Variants in ADD3 observed in about 807,000 individuals in gnomAD.
ADD3 encodes gamma-adducin.
A neutral mutation model predicts 80.2 loss-of-function variants in ADD3; 25 were observed. The observed-to-expected ratio is 0.31, with a 90% CI of 0.23 to 0.44. ADD3 has a LOEUF of 0.44. Ranked by LOEUF, ADD3 falls within the 20% of genes least tolerant of loss-of-function variation. The probability of loss-of-function intolerance (pLI) is 1.00; values close to 1 mark genes in which losing one functional copy is unlikely to be tolerated. For missense variants in ADD3, 829 were observed against 847.5 expected (o/e 0.98, Z 0.27); for synonymous variants, 284 against 289.6 (o/e 0.98, Z 0.20).
chr10:109,999,987 T>C (rs1851454933), intron 1 of ADD3, among the ~76,000 whole-genome samples: 1 of 150,196 alleles, frequency 6.7e-6, no homozygotes, highest in African/African-American at 2.5e-5. Context: ...TGGTGCGATC[T>C]CGGCTCACTG....
intron 1 of ADD3, among the ~76,000 whole-genome samples, chr10:110,019,596 C>T (rs758633441): frequency 2.6e-4 from 40 of 152,144 alleles, no homozygotes; most frequent in Non-Finnish European, 4.1e-4. Flanking sequence ...CCTCATGATC[C>T]GCCCACCTCG....
chr10:110,077,726 TAGG>T (rs1845530305), intron 1 of ADD3, among the ~76,000 whole-genome samples: 1 of 152,208 alleles, frequency 6.6e-6, no homozygotes, highest in African/African-American at 2.4e-5. Flanking sequence ...AGTTGAACTA[TAGG>T]AGAATTATTG....
intron 1 of ADD3, among the ~76,000 whole-genome samples, chr10:110,071,481 A>G (rs898869338): frequency 3.9e-5 from 6 of 152,344 alleles, no homozygotes; most frequent in Non-Finnish European, 7.4e-5. Flanking sequence ...AATATTTCGT[A>G]TATTGTGGCT....
At position 110,056,290 on chromosome 10, in the gene ADD3, C is replaced by T. The variant is rs144811311; in HGVS notation, c.-29-44335C>T. Among the ~76,000 whole-genome samples, 180 of 152,296 alleles carry T rather than the reference C, an allele frequency of 1.2e-3. 2 individuals are homozygous for T. The highest frequency in any genetic ancestry group is 4.2e-3 in the African/African-American group (175 of 41,572). On this transcript the variant is annotated intron_variant, in intron 1 of 14. Coordinates refer to ENST00000356080, the MANE Select transcript of ADD3 (RefSeq NM_016824.5). The stretch of plus-strand genomic sequence containing the variant: ...ACTAGAGTTACTCACTTTCATTTTG[C>T]ATTTGCAGACTTTGTGTTCTTACAT...
chr10:110,069,571 T>G (rs1844416860), intron 1 of ADD3, among the ~76,000 whole-genome samples: 2 of 152,100 alleles, frequency 1.3e-5, no homozygotes, highest in South Asian at 4.2e-4. Flanking sequence ...TCCCACCCTC[T>G]CCCATTAAAT....
intron 1 of ADD3, among the ~76,000 whole-genome samples, chr10:110,076,645 G>T (rs1590006979): frequency 1.3e-5 from 2 of 152,202 alleles, no homozygotes. Context: ...AATGAGCAAT[G>T]CTTCTGACAC....
intron 1 of ADD3, among the ~76,000 whole-genome samples, chr10:110,094,651 T>C (rs1042469389): frequency 6.6e-6 from 1 of 152,192 alleles, no homozygotes; most frequent in African/African-American, 2.4e-5. Context: ...TATATAAAAT[T>C]TTGGCTAGCA....
intron 1 of ADD3, among the ~76,000 whole-genome samples, chr10:110,086,093 C>T (rs189776333): frequency 5.6e-5 from 8 of 143,916 alleles, no homozygotes; most frequent in East Asian, 2.1e-4. Context: ...TGACAAAGAG[C>T]GAAACTCCGT....
At chr10:110,131,410 G>A (rs940810476) in intron 13 of ADD3, among the ~76,000 whole-genome samples, 2 of 152,326 alleles carry the variant, frequency 1.3e-5, no homozygotes, top group South Asian at 4.1e-4. Flanking sequence ...CACATTTAGG[G>A]AGGGAAGGGT....
chr10:110,041,927 A>G (rs1856412428), intron 1 of ADD3, among the ~76,000 whole-genome samples: 1 of 152,220 alleles, frequency 6.6e-6, no homozygotes, highest in Non-Finnish European at 1.5e-5. Context: ...CTCCCCCCAA[A>G]AAATATGTGG....
intron 1 of ADD3, among the ~76,000 whole-genome samples, chr10:110,010,832 T>C (rs778086218): frequency 3.3e-5 from 5 of 152,186 alleles, no homozygotes; most frequent in Non-Finnish European, 7.3e-5. Flanking sequence ...CTCATGGTAA[T>C]TACTGCAAAC....
intron 1 of ADD3, among the ~76,000 whole-genome samples, chr10:110,000,184 T>C (rs1851458270): frequency 6.6e-6 from 1 of 152,184 alleles, no homozygotes; most frequent in Non-Finnish European, 1.5e-5. Flanking sequence ...CCTCCCAAAG[T>C]GTTGGGATTA....
intron 5 of ADD3, 43 bp downstream of exon 5, chr10:110,117,465 T>C: frequency 8.3e-7 from 1 of 1,205,980 alleles, no homozygotes; most frequent in Middle Eastern, 1.9e-4. Context: ...GAGCTTTCTT[T>C]GGCTTTTCTG....
chr10:110,104,120 C>T (rs1412845021), intron 2 of ADD3, among the ~76,000 whole-genome samples: 1 of 152,174 alleles, frequency 6.6e-6, no homozygotes, highest in Non-Finnish European at 1.5e-5. Flanking sequence ...ATGTTATCTG[C>T]TCCCCAGTGG....
chr10:110,112,314 T>G (rs1413509223), intron 2 of ADD3: 1 of 153,174 alleles, frequency 6.5e-6, no homozygotes, highest in Admixed American at 6.5e-5. Flanking sequence ...AAGACGAGGA[T>G]TCTCCATGTT....
At position 110,086,201 on chromosome 10, in the gene ADD3, G is replaced by T. The variant is rs560769841; in HGVS notation, c.-29-14424G>T. ...CCGAGGTGGGCGGATCATGAGGTCAGGAGGTCAAGACCATCCTGGCCAACA... is the reference window on the plus strand; with the variant it reads ...CCGAGGTGGGCGGATCATGAGGTCATGAGGTCAAGACCATCCTGGCCAACA... On this transcript the variant is annotated intron_variant, in intron 1 of 14. Coordinates refer to ENST00000356080, the MANE Select transcript of ADD3 (RefSeq NM_016824.5). Among the ~76,000 whole-genome samples, 6 of 152,198 alleles carry T rather than the reference G, an allele frequency of 3.9e-5. No individual in the cohort carries two copies. The South Asian group carries it at 1.2e-3, about 32-fold the overall frequency.
At chr10:110,005,982 C>T (rs527531910), upstream of ADD3, 4 of 246,536 alleles carry the variant, frequency 1.6e-5, no homozygotes, top group South Asian at 1.8e-4. Flanking sequence ...GAAGCTGCTG[C>T]TGCTAATGCT....
intron 2 of ADD3, among the ~76,000 whole-genome samples, chr10:110,104,431 G>T (rs549985202): frequency 6.6e-6 from 1 of 152,278 alleles, no homozygotes; most frequent in East Asian, 1.9e-4. Context: ...AGTTTTAGGG[G>T]TGCAAAGGCC....
At chr10:110,018,432 G>A (rs985922976) in intron 1 of ADD3, among the ~76,000 whole-genome samples, 2 of 150,586 alleles carry the variant, frequency 1.3e-5, no homozygotes, top group Admixed American at 6.6e-5. Context: ...GGAGGCTGAG[G>A]TAGGGGAATC....
Sources: gnomAD v4.1 joint callset for allele counts (sites outside exome capture counted in the v4.1 genomes callset) on GRCh38, gnomAD v4.1.1 for gene constraint, MANE v1.5 for transcripts, NCBI Gene and HGNC (gene_info 2026-07-23, HGNC 2026-07-21) for gene names.